Variants in HIPK2 observed in about 807,000 individuals in gnomAD.
The protein encoded by HIPK2 is homeodomain-interacting protein kinase 2.
In HIPK2, 27 loss-of-function variants were observed where a neutral mutation model predicts 113.7. The observed-to-expected ratio is 0.24, with a 90% CI of 0.17 to 0.33. The LOEUF is 0.33. Among genes scored for constraint, HIPK2 ranks in the 10% least tolerant of loss-of-function variants. The pLI is 1.00. For synonymous variants in HIPK2, 631 were observed against 642.2 expected (o/e 0.98, Z 0.26); for missense variants, 1,257 against 1,588.0 (o/e 0.79, Z 3.54).
chr7:139,587,901 A>C (rs1798890406), intron 12 of HIPK2, among the ~76,000 whole-genome samples: 1 of 151,996 alleles, frequency 6.6e-6, no homozygotes, highest in African/African-American at 2.4e-5. Flanking sequence ...AATAAATAAA[A>C]ATAGTTAGGT....
In HIPK2 at chr7:139,565,025, C is replaced by T. The variant is rs910028747; in HGVS notation, c.*7902G>A. Reference sequence around the variant, plus strand: ...CAGAATTCACTTAAGCAACGATGACCGGGGGTATGAAGTAATCATTATTTT... The same window carrying T: ...CAGAATTCACTTAAGCAACGATGACTGGGGGTATGAAGTAATCATTATTTT... On this transcript the variant is annotated 3_prime_UTR_variant, in exon 15 of 15. Transcript: ENST00000406875. 6 of 151,932 alleles carry T rather than the reference C, an allele frequency of 3.9e-5. No homozygotes were observed. Among genetic ancestry groups the T allele is most frequent in the Admixed American group, 6.6e-5 (1 of 15,248 alleles). The allele number at this position is 151,932 out of a possible 1,614,324, so 9.4% of individuals were successfully genotyped here.
intron 9 of HIPK2, among the ~76,000 whole-genome samples, chr7:139,608,262 T>TGTGG (rs982272485): frequency 6.8e-6 from 1 of 147,082 alleles, no homozygotes; most frequent in Non-Finnish European, 1.5e-5. Flanking sequence ...CGTGTGTGTG[T>TGTGG]GTGTGTGTGT....
chr7:139,760,003 T>C (rs1796437419), intron 1 of HIPK2, among the ~76,000 whole-genome samples: 2 of 151,702 alleles, frequency 1.3e-5, no homozygotes, highest in Admixed American at 6.6e-5. Flanking sequence ...ATCTACCTAG[T>C]TGTTTTTTTT....
chr7:139,616,385 G>A (rs1052030317), intron 7 of HIPK2, among the ~76,000 whole-genome samples: 9 of 152,126 alleles, frequency 5.9e-5, no homozygotes, highest in African/African-American at 2.2e-4. Context: ...CCCAATTACA[G>A]CTTGATGAAC....
At chr7:139,583,016 A>C (rs1024757490) in intron 13 of HIPK2, among the ~76,000 whole-genome samples, 5 of 152,082 alleles carry the variant, frequency 3.3e-5, no homozygotes, top group African/African-American at 1.2e-4. Flanking sequence ...ACATCTAGAC[A>C]AAAGCTTCCT....
At chr7:139,679,151 A>C (rs1394071691) in intron 2 of HIPK2, among the ~76,000 whole-genome samples, 1 of 152,002 alleles carries the variant, frequency 6.6e-6, no homozygotes, top group Non-Finnish European at 1.5e-5. Context: ...AATACGTTTT[A>C]TTTCTTTCTC....
At chr7:139,742,663 G>A (rs972938517) in intron 1 of HIPK2, among the ~76,000 whole-genome samples, 6 of 152,150 alleles carry the variant, frequency 3.9e-5, no homozygotes, top group African/African-American at 1.2e-4. Flanking sequence ...ATTTTCTGAG[G>A]GTAGAATGTG....
At chr7:139,606,672 C>CT (rs1799627251) in intron 9 of HIPK2, among the ~76,000 whole-genome samples, 2 of 152,206 alleles carry the variant, frequency 1.3e-5, no homozygotes, top group African/African-American at 4.8e-5. Flanking sequence ...ACAATTCTCT[C>CT]TAGGGGAAAT....
rs537844111 is a variant in HIPK2 at position 139,614,877 on chromosome 7, G to A, written c.1783-384C>T. On this transcript the variant is annotated intron_variant, in intron 7 of 14. Coordinates refer to ENST00000406875, the MANE Select transcript of HIPK2 (RefSeq NM_022740.5). Reference sequence around the variant, plus strand: ...TGACAAATACACCTTCCCAATAACCGGGAAGACCAGGCGTGAGTTGAGGAC... The same window carrying A: ...TGACAAATACACCTTCCCAATAACCAGGAAGACCAGGCGTGAGTTGAGGAC... Among the ~76,000 whole-genome samples the A allele has an allele frequency of 3.9e-5, 6 of 152,322 alleles. No homozygotes were observed. In the South Asian group the frequency reaches 1.2e-3, roughly 32 times the overall value.
chr7:139,773,260 G>A (rs968810321), intron 1 of HIPK2, among the ~76,000 whole-genome samples: 3 of 152,180 alleles, frequency 2.0e-5, no homozygotes, highest in Admixed American at 6.5e-5. Context: ...TGACCCTCAA[G>A]CATCTGGGTT....
At chr7:139,717,622 A>G (rs2116956574) in intron 1 of HIPK2, among the ~76,000 whole-genome samples, 1 of 152,360 alleles carries the variant, frequency 6.6e-6, no homozygotes, top group East Asian at 1.9e-4. Context: ...ACATTTTATC[A>G]GCCTTACTGG....
chr7:139,694,516 T>C (rs982452480), intron 2 of HIPK2, among the ~76,000 whole-genome samples: 1 of 152,166 alleles, frequency 6.6e-6, no homozygotes, highest in East Asian at 1.9e-4. Context: ...GATCCACCTC[T>C]GGTCTCTGGA....
chr7:139,720,601 G>A (rs545519333), intron 1 of HIPK2, among the ~76,000 whole-genome samples: 5 of 152,222 alleles, frequency 3.3e-5, no homozygotes, highest in African/African-American at 1.2e-4. Context: ...ACAGAATATG[G>A]CTATTCCCTA....
intron 2 of HIPK2, among the ~76,000 whole-genome samples, chr7:139,664,309 A>G (rs888164080): frequency 1.3e-5 from 2 of 152,172 alleles, no homozygotes; most frequent in African/African-American, 4.8e-5. Context: ...AGGCCAAGGC[A>G]GGTGGATCAC....
chr7:139,697,394 T>C (rs1305947586), intron 2 of HIPK2, among the ~76,000 whole-genome samples: 1 of 152,132 alleles, frequency 6.6e-6, no homozygotes, highest in Non-Finnish European at 1.5e-5. Flanking sequence ...TCTTCGCAAA[T>C]CTGCTTTTGT....
rs1794578084 is a variant in HIPK2 at position 139,696,704 on chromosome 7, G to T, written c.1103+19228C>A. On this transcript the variant is annotated intron_variant, in intron 2 of 14. Transcript: ENST00000406875. The stretch of plus-strand genomic sequence containing the variant: ...CTCTAAATGGCAGCACAAAGAAATG[G>T]ACATAAAAGTAAAGGGGGCGGGGTG... Among the ~76,000 whole-genome samples, 3 of 152,098 alleles carry T rather than the reference G, an allele frequency of 2.0e-5. 1 individual carries two copies. In the South Asian group the frequency reaches 6.2e-4, roughly 32 times the overall value.
intron 12 of HIPK2, among the ~76,000 whole-genome samples, chr7:139,584,538 C>A (rs1027181473): frequency 6.6e-6 from 1 of 152,232 alleles, no homozygotes; most frequent in African/African-American, 2.4e-5. Context: ...TTGGTGCCTG[C>A]GGCCTGGCAA....
At chr7:139,599,304 G>A (rs1799336160) in intron 11 of HIPK2, among the ~76,000 whole-genome samples, 1 of 152,164 alleles carries the variant, frequency 6.6e-6, no homozygotes, top group Non-Finnish European at 1.5e-5. Flanking sequence ...CCTTTGAAGT[G>A]TTTGATGAGT....
intron 1 of HIPK2, among the ~76,000 whole-genome samples, chr7:139,753,232 A>G (rs1002072144): frequency 3.9e-5 from 6 of 152,218 alleles, no homozygotes; most frequent in Non-Finnish European, 7.3e-5. Flanking sequence ...GGGCAGCTGC[A>G]TTACCAGGCA....
Sources: allele counts gnomAD v4.1 joint callset (sites outside exome capture counted in the v4.1 genomes callset), GRCh38; gene constraint gnomAD v4.1.1; transcripts MANE v1.5; gene names NCBI Gene and HGNC (gene_info 2026-07-23, HGNC 2026-07-21).